The following PPP2R2B variants were observed in gnomAD, a reference collection of about 807,000 sequenced individuals.
PPP2R2B encodes protein phosphatase 2 regulatory subunit Bbeta.
PPP2R2B carries 5 observed loss-of-function variants against 46.0 expected under a neutral mutation model. The ratio of observed to expected loss-of-function variants is 0.11; its 90% CI spans 0.06 to 0.23. The LOEUF (loss-of-function observed/expected upper bound fraction) is 0.23. Among genes scored for constraint, PPP2R2B ranks in the 10% least tolerant of loss-of-function variants. The probability of loss-of-function intolerance (pLI) is 1.00; values close to 1 mark genes in which losing one functional copy is unlikely to be tolerated. For missense variants in PPP2R2B, 367 were observed against 575.0 expected (o/e 0.64, Z 3.70); for synonymous variants, 215 against 206.7 (o/e 1.04, Z -0.34).
At chr5:146,757,934 T>C (rs1753934907) in intron 2 of PPP2R2B, among the ~76,000 whole-genome samples, 1 of 152,148 alleles carries the variant, frequency 6.6e-6, no homozygotes, top group African/African-American at 2.4e-5. Flanking sequence ...CTTGAAGGCT[T>C]GGTCGCCTGA....
At position 146,582,782 on chromosome 5, in the gene PPP2R2B, G is replaced by A. The variant is rs1162109722; in HGVS notation, c.*7165C>T. On this transcript the variant is annotated 3_prime_UTR_variant, in exon 10 of 10. Coordinates refer to ENST00000394411, the MANE Select transcript of PPP2R2B (RefSeq NM_181675.4). Reference sequence around the variant, plus strand: ...ATGATGCAGTCCTCATGGAACTAAGGGTGGTTGAGAAAGCATCTCTGAGGA... The same window carrying A: ...ATGATGCAGTCCTCATGGAACTAAGAGTGGTTGAGAAAGCATCTCTGAGGA... 6.6e-6 allele frequency: 1 copy of A among 152,238 alleles called. No individual in the cohort carries two copies. Among genetic ancestry groups the A allele is most frequent in the African/African-American group, 2.4e-5 (1 of 41,452 alleles). 9.4% of individuals were successfully genotyped at this position (152,238 alleles called of 1,614,324 possible).
At chr5:146,754,886 C>T (rs1048681303) in intron 2 of PPP2R2B, among the ~76,000 whole-genome samples, 2 of 152,208 alleles carry the variant, frequency 1.3e-5, no homozygotes, top group African/African-American at 4.8e-5. Context: ...TGACTGTAGT[C>T]CTGGCTTAGA....
At chr5:146,598,244 A>G (rs550613484) in intron 8 of PPP2R2B, among the ~76,000 whole-genome samples, 37 of 152,306 alleles carry the variant, frequency 2.4e-4, no homozygotes, top group African/African-American at 8.9e-4. Flanking sequence ...TCTGTACTTG[A>G]TTCAGCAAAG....
chr5:146,803,051 C>T (rs1266061562), intron 2 of PPP2R2B, among the ~76,000 whole-genome samples: 1 of 152,192 alleles, frequency 6.6e-6, no homozygotes, highest in African/African-American at 2.4e-5. Context: ...GAGTGAAATT[C>T]AGCTTATGAA....
chr5:146,919,475 C>A (rs1308436427), intron 1 of PPP2R2B: 7 of 152,170 alleles, frequency 4.6e-5, no homozygotes, highest in Admixed American at 4.6e-4. Flanking sequence ...TAGTCCTTCC[C>A]ACAGATCAAC....
At chr5:146,802,263 A>G (rs1054871918) in intron 2 of PPP2R2B, among the ~76,000 whole-genome samples, 1 of 152,160 alleles carries the variant, frequency 6.6e-6, no homozygotes, top group African/African-American at 2.4e-5. Context: ...GGATACTTCC[A>G]TTGGAAATGT....
chr5:146,639,992 A>G (rs1362204690), intron 6 of PPP2R2B, among the ~76,000 whole-genome samples: 1 of 152,204 alleles, frequency 6.6e-6, no homozygotes, highest in Non-Finnish European at 1.5e-5. Flanking sequence ...AAAGTCTTGT[A>G]TGCTTTTCAT....
At chr5:147,002,618 T>C (rs1754230744) in intron 1 of PPP2R2B, among the ~76,000 whole-genome samples, 1 of 150,352 alleles carries the variant, frequency 6.7e-6, no homozygotes, top group Non-Finnish European at 1.5e-5. Flanking sequence ...CGAGAATGCA[T>C]CAGTAAGGGC....
At chr5:146,698,781 A>C (rs1209943241) in intron 3 of PPP2R2B, among the ~76,000 whole-genome samples, 1 of 151,764 alleles carries the variant, frequency 6.6e-6, no homozygotes, top group Non-Finnish European at 1.5e-5. Context: ...CATGAGTGAC[A>C]AAGCAGACAG....
At chr5:146,700,502 C>G (rs965483374) in intron 3 of PPP2R2B, among the ~76,000 whole-genome samples, 6 of 152,112 alleles carry the variant, frequency 3.9e-5, no homozygotes, top group African/African-American at 1.4e-4. Flanking sequence ...GCACTCAGCT[C>G]CAGGGCCCTC....
At chr5:146,772,098 C>A (rs771509886) in intron 2 of PPP2R2B, among the ~76,000 whole-genome samples, 7 of 152,046 alleles carry the variant, frequency 4.6e-5, no homozygotes, top group Non-Finnish European at 8.8e-5. Context: ...AAAGCAAATT[C>A]TGGAATATCC....
chr5:146,622,886 A>G (rs565399906), intron 7 of PPP2R2B, among the ~76,000 whole-genome samples: 36 of 152,256 alleles, frequency 2.4e-4, no homozygotes, highest in Non-Finnish European at 4.3e-4. Flanking sequence ...TATAGATCAT[A>G]CAAATTTCAG....
chr5:146,841,893 G>T (rs1759671905), intron 2 of PPP2R2B, among the ~76,000 whole-genome samples: 1 of 152,032 alleles, frequency 6.6e-6, no homozygotes, highest in African/African-American at 2.4e-5. Flanking sequence ...TAACAAACCT[G>T]CACGTTCTGC....
intron 2 of PPP2R2B, among the ~76,000 whole-genome samples, chr5:146,867,949 G>T (rs1365520456): frequency 6.6e-6 from 1 of 152,246 alleles, no homozygotes; most frequent in Admixed American, 6.5e-5. Context: ...TGCTCCCTTG[G>T]AGTTTATAAC....
At chr5:146,625,854 A>C (rs946843213) in intron 7 of PPP2R2B, among the ~76,000 whole-genome samples, 1 of 152,192 alleles carries the variant, frequency 6.6e-6, no homozygotes, top group African/African-American at 2.4e-5. Context: ...GCGTAATCAC[A>C]AAGGTCCTTA....
chr5:146,798,121 C>T (rs1438987579), intron 2 of PPP2R2B, among the ~76,000 whole-genome samples: 1 of 152,140 alleles, frequency 6.6e-6, no homozygotes, highest in Non-Finnish European at 1.5e-5. Flanking sequence ...CTTGGTGAGT[C>T]TGGTTTTGAG....
intron 2 of PPP2R2B, among the ~76,000 whole-genome samples, chr5:146,740,961 C>G (rs559821520): frequency 2.0e-5 from 3 of 150,878 alleles, no homozygotes; most frequent in Non-Finnish European, 4.4e-5. Context: ...CACTTGAACC[C>G]GGGAGGCGGA....
chr5:146,915,217 C>A (rs932469535), intron 1 of PPP2R2B, among the ~76,000 whole-genome samples: 1 of 152,182 alleles, frequency 6.6e-6, no homozygotes, highest in East Asian at 1.9e-4. Context: ...TGTACTCTGC[C>A]AAGTAGCCAG....
intron 2 of PPP2R2B, among the ~76,000 whole-genome samples, chr5:146,836,715 A>C (rs564001381): frequency 6.6e-6 from 1 of 152,324 alleles, no homozygotes; most frequent in Non-Finnish European, 1.5e-5. Context: ...GTCATTGCCA[A>C]AGTTCAGAGA....
Sources: gnomAD v4.1 joint callset for allele counts (sites outside exome capture counted in the v4.1 genomes callset) on GRCh38, gnomAD v4.1.1 for gene constraint, MANE v1.5 for transcripts, NCBI Gene and HGNC (gene_info 2026-07-23, HGNC 2026-07-21) for gene names.